Variants in ARHGAP10 observed in about 807,000 individuals in gnomAD.
ARHGAP10 encodes Rho GTPase activating protein 10.
A neutral mutation model predicts 108.6 loss-of-function variants in ARHGAP10; 87 were observed. The observed-to-expected ratio is 0.80, with a 90% CI of 0.67 to 0.96. ARHGAP10 has a LOEUF of 0.96. Among genes scored for constraint, ARHGAP10 ranks in the 40% least tolerant of loss-of-function variants. ARHGAP10 has a pLI of 0.00. For missense variants in ARHGAP10, 939 were observed against 954.5 expected (o/e 0.98, Z 0.21); for synonymous variants, 347 against 341.1 (o/e 1.02, Z -0.19).
At chr4:148,013,077 A>C (rs1407882601) in intron 18 of ARHGAP10, among the ~76,000 whole-genome samples, 1 of 152,188 alleles carries the variant, frequency 6.6e-6, no homozygotes, top group African/African-American at 2.4e-5. Flanking sequence ...TGTTCCTATA[A>C]ATTTTAGAAA....
chr4:147,975,916 A>G (rs1470530574), intron 18 of ARHGAP10, among the ~76,000 whole-genome samples: 1 of 152,188 alleles, frequency 6.6e-6, no homozygotes, highest in African/African-American at 2.4e-5. Context: ...TATGACCTGC[A>G]TCTACCTCTC....
intron 4 of ARHGAP10, among the ~76,000 whole-genome samples, chr4:147,850,190 A>C (rs1011360879): frequency 1.3e-5 from 2 of 152,340 alleles, no homozygotes; most frequent in Admixed American, 1.3e-4. Flanking sequence ...TGCACCAATC[A>C]GCACTCTGTA....
At chr4:147,877,513 CTTTG>C (rs998445925) in intron 8 of ARHGAP10, among the ~76,000 whole-genome samples, 36 of 152,016 alleles carry the variant, frequency 2.4e-4, no homozygotes, top group African/African-American at 6.0e-4. Flanking sequence ...GGTGTAGAAA[CTTTG>C]TTTGTTTGTA....
intron 18 of ARHGAP10, among the ~76,000 whole-genome samples, chr4:147,980,213 G>T (rs954799310): frequency 6.6e-6 from 1 of 151,950 alleles, no homozygotes; most frequent in Non-Finnish European, 1.5e-5. Flanking sequence ...TTCTTTCAAT[G>T]CCTAGTTTGT....
chr4:147,888,006 A>G (rs1735639061), intron 10 of ARHGAP10, among the ~76,000 whole-genome samples: 1 of 151,632 alleles, frequency 6.6e-6, no homozygotes, highest in Admixed American at 6.6e-5. Context: ...GTCGATTCCC[A>G]GTGCTCATGG....
intron 20 of ARHGAP10, among the ~76,000 whole-genome samples, chr4:148,054,816 A>G (rs907983813): frequency 6.6e-6 from 1 of 152,202 alleles, no homozygotes; most frequent in Non-Finnish European, 1.5e-5. Flanking sequence ...CACCCATTAC[A>G]ACAAGTAACC....
intron 9 of ARHGAP10, among the ~76,000 whole-genome samples, chr4:147,879,820 A>T (rs1182582357): frequency 6.6e-6 from 1 of 152,192 alleles, no homozygotes; most frequent in Non-Finnish European, 1.5e-5. Flanking sequence ...TTTTAGGTGA[A>T]CAATAGAATC....
intron 19 of ARHGAP10, among the ~76,000 whole-genome samples, chr4:148,045,122 G>A (rs565157554): frequency 2.4e-4 from 37 of 152,262 alleles, no homozygotes; most frequent in South Asian, 1.2e-3. Flanking sequence ...AGTTTCAGTG[G>A]TACAGTTGGT....
At chr4:147,945,207 G>A (rs1411068084) in intron 14 of ARHGAP10, among the ~76,000 whole-genome samples, 1 of 151,980 alleles carries the variant, frequency 6.6e-6, no homozygotes, top group East Asian at 1.9e-4. Flanking sequence ...CTCCTTAGGG[G>A]TTTGCCTTTC....
At chr4:148,063,982 G>A (rs984318759) in intron 21 of ARHGAP10, among the ~76,000 whole-genome samples, 4 of 152,204 alleles carry the variant, frequency 2.6e-5, no homozygotes, top group African/African-American at 9.7e-5. Context: ...AGTGGATCTG[G>A]GCCAGTGGTT....
chr4:147,814,557 A>G (rs540541200), intron 1 of ARHGAP10, among the ~76,000 whole-genome samples: 4 of 152,178 alleles, frequency 2.6e-5, no homozygotes, highest in African/African-American at 7.2e-5. Flanking sequence ...TTGTCTTGAC[A>G]TTACTCCCAC....
At chr4:147,940,298 C>T (rs2126962220) in intron 14 of ARHGAP10, among the ~76,000 whole-genome samples, 1 of 152,268 alleles carries the variant, frequency 6.6e-6, no homozygotes, top group East Asian at 1.9e-4. Flanking sequence ...CATTTGACAG[C>T]AAGGGTCTGA....
At chr4:147,822,455 A>G (rs773202454) in intron 1 of ARHGAP10, among the ~76,000 whole-genome samples, 4 of 152,230 alleles carry the variant, frequency 2.6e-5, no homozygotes, top group Non-Finnish European at 4.4e-5. Flanking sequence ...AACAATGTGA[A>G]ATAATCAGAT....
rs1167905424 is a variant in ARHGAP10 at position 147,793,305 on chromosome 4, CAT to C, written c.155-29407_155-29406del. 6.8e-3 allele frequency among the ~76,000 whole-genome samples: 879 copies of C among 130,070 alleles called. 7 individuals are homozygous for C. The highest frequency in any genetic ancestry group is 0.02 in the African/African-American group (751 of 36,954). The allele number at this position is 130,070 out of a possible 152,430, so 85.3% of individuals were successfully genotyped here. ...ATATTGGGGTAAAATATAACACACACATATATATATATATATTTTTTTTTTTT... is the reference window on the plus strand; with the variant it reads ...ATATTGGGGTAAAATATAACACACACATATATATATATATTTTTTTTTTTT... On this transcript the variant is annotated intron_variant, in intron 1 of 22. Transcript: ENST00000336498.
chr4:148,043,938 A>G (rs1277662970), intron 19 of ARHGAP10, among the ~76,000 whole-genome samples: 1 of 151,914 alleles, frequency 6.6e-6, no homozygotes, highest in African/African-American at 2.4e-5. Context: ...TGTGTACCTG[A>G]TGATTTATTC....
At chr4:147,891,559 A>G (rs1409877004) in intron 10 of ARHGAP10, among the ~76,000 whole-genome samples, 1 of 152,158 alleles carries the variant, frequency 6.6e-6, no homozygotes, top group Non-Finnish European at 1.5e-5. Context: ...AATTCTGTGG[A>G]TATGTTACAA....
In ARHGAP10 at chr4:147,750,311, G is replaced by A. The variant is rs535266961; in HGVS notation, c.154+17856G>A. Among the ~76,000 whole-genome samples the A allele has an allele frequency of 3.3e-5, 5 of 152,214 alleles. No individual in the cohort carries two copies. In the South Asian group the frequency reaches 1.0e-3, roughly 32 times the overall value. On this transcript the variant is annotated intron_variant, in intron 1 of 22. Transcript: ENST00000336498. ...GGAGGGTCACCTAGAATGAAGGGAG[G>A]TGTTTAATTTCTTTCTGACTGTGGC...
At chr4:148,061,969 A>T (rs995222949) in intron 20 of ARHGAP10, among the ~76,000 whole-genome samples, 5 of 152,148 alleles carry the variant, frequency 3.3e-5, no homozygotes, top group African/African-American at 1.2e-4. Flanking sequence ...GGGAGGTGGA[A>T]CTGGAGCTGA....
rs555997300 is a variant in ARHGAP10 at position 147,778,651 on chromosome 4, T to C, written c.155-44076T>C. 3.3e-5 allele frequency among the ~76,000 whole-genome samples: 5 copies of C among 152,346 alleles called. 1 individual carries two copies. The South Asian group carries it at 1.0e-3, about 32-fold the overall frequency. The stretch of plus-strand genomic sequence containing the variant: ...AGGGGTGTTGCTAATCAAAATGTCC[T>C]ATTCCTGCCTGGGTATAGCCTTAGA... On this transcript the variant is annotated intron_variant, in intron 1 of 22. Transcript: ENST00000336498.
Sources: allele counts gnomAD v4.1 joint callset (sites outside exome capture counted in the v4.1 genomes callset), GRCh38; gene constraint gnomAD v4.1.1; transcripts MANE v1.5; gene names NCBI Gene and HGNC (gene_info 2026-07-23, HGNC 2026-07-21).